The following CSMD1 variants were observed in gnomAD, a reference collection of about 807,000 sequenced individuals.
CSMD1 encodes CUB and Sushi multiple domains 1.
In CSMD1, 213 loss-of-function variants were observed where a neutral mutation model predicts 417.5. The observed-to-expected ratio is 0.51, with a 90% CI of 0.46 to 0.57. The LOEUF is 0.57. Ranked by LOEUF, CSMD1 falls within the 20% of genes least tolerant of loss-of-function variation. The probability of loss-of-function intolerance (pLI) is 0.00; values close to 1 mark genes in which losing one functional copy is unlikely to be tolerated. For synonymous variants in CSMD1, 2,862 were observed against 1,736.8 expected (o/e 1.65, Z -16.11); for missense variants, 6,923 against 4,529.7 (o/e 1.53, Z -15.17).
intron 1 of CSMD1, among the ~76,000 whole-genome samples, chr8:4,856,042 C>T (rs1211018311): frequency 6.6e-6 from 1 of 152,126 alleles, no homozygotes; most frequent in Non-Finnish European, 1.5e-5. Context: ...CAAAAGGAAG[C>T]CCATCAGAGT....
At chr8:3,120,525 T>G (rs1472852682) in intron 41 of CSMD1, among the ~76,000 whole-genome samples, 1 of 152,242 alleles carries the variant, frequency 6.6e-6, no homozygotes, top group South Asian at 2.1e-4. Flanking sequence ...TTTAATAAAC[T>G]AATGAAATGG....
chr8:4,905,938 T>C (rs1235876362), intron 1 of CSMD1, among the ~76,000 whole-genome samples: 1 of 152,114 alleles, frequency 6.6e-6, no homozygotes, highest in African/African-American at 2.4e-5. Flanking sequence ...CCAGTCCCAG[T>C]TTCCCAAACC....
intron 1 of CSMD1, among the ~76,000 whole-genome samples, chr8:4,969,810 T>C (rs4875421): frequency 5.3e-5 from 8 of 151,702 alleles, no homozygotes; most frequent in Non-Finnish European, 1.2e-4. Context: ...CCTAATTTAA[T>C]TGTTTTTCTC....
intron 2 of CSMD1, among the ~76,000 whole-genome samples, chr8:4,607,921 T>A (rs531715053): frequency 1.7e-3 from 256 of 152,306 alleles, no homozygotes; most frequent in African/African-American, 5.8e-3. Flanking sequence ...GGACACTGGC[T>A]AGTGTTGAGG....
At chr8:4,560,801 A>C (rs1029349955) in intron 2 of CSMD1, among the ~76,000 whole-genome samples, 4 of 152,116 alleles carry the variant, frequency 2.6e-5, no homozygotes, top group Non-Finnish European at 5.9e-5. Flanking sequence ...AGACTTCCTA[A>C]TGATTCTGCC....
At chr8:4,208,552 A>C (rs547772595) in intron 3 of CSMD1, among the ~76,000 whole-genome samples, 2 of 152,236 alleles carry the variant, frequency 1.3e-5, no homozygotes, top group Non-Finnish European at 2.9e-5. Flanking sequence ...CTTCAATATC[A>C]GATTGACTTG....
At chr8:3,245,442 C>T (rs936191952) in intron 26 of CSMD1, among the ~76,000 whole-genome samples, 3 of 152,210 alleles carry the variant, frequency 2.0e-5, no homozygotes, top group African/African-American at 4.8e-5. Flanking sequence ...AAACCTACAA[C>T]TGGAAGTACT....
intron 3 of CSMD1, among the ~76,000 whole-genome samples, chr8:4,400,567 G>T (rs1281115368): frequency 1.3e-5 from 2 of 152,184 alleles, no homozygotes; most frequent in Non-Finnish European, 2.9e-5. Flanking sequence ...AGCCACATCA[G>T]CCATTACTTT....
intron 6 of CSMD1, among the ~76,000 whole-genome samples, chr8:3,736,761 G>C (rs139841596): frequency 9.2e-4 from 140 of 152,308 alleles, no homozygotes; most frequent in African/African-American, 3.1e-3. Context: ...CATTAGGTGT[G>C]TCGTTTTGCC....
At chr8:4,488,542 G>C (rs1652544) in intron 2 of CSMD1, among the ~76,000 whole-genome samples, 2,942 of 152,112 alleles carry the variant, frequency 0.019, 86 homozygotes, top group African/African-American at 0.068. Flanking sequence ...TTTTAAACTG[G>C]TGGAGTCGGC....
intron 5 of CSMD1, among the ~76,000 whole-genome samples, chr8:3,893,843 G>A (rs1275909779): frequency 6.6e-6 from 1 of 152,024 alleles, no homozygotes; most frequent in Non-Finnish European, 1.5e-5. Flanking sequence ...CTGACCCTTT[G>A]TTCATTAAAA....
At chr8:4,467,393 C>T (rs1006490453) in intron 2 of CSMD1, among the ~76,000 whole-genome samples, 1 of 152,152 alleles carries the variant, frequency 6.6e-6, no homozygotes, top group Non-Finnish European at 1.5e-5. Context: ...CCCTGCTCAT[C>T]TCCTCCATTT....
chr8:4,592,379 T>A (rs924971944), intron 2 of CSMD1, among the ~76,000 whole-genome samples: 4 of 152,010 alleles, frequency 2.6e-5, no homozygotes, highest in Admixed American at 6.6e-5. Flanking sequence ...CGTATTCATT[T>A]TCCTTGTTAT....
chr8:3,555,314 G>T (rs933507431), intron 10 of CSMD1, among the ~76,000 whole-genome samples: 1 of 152,090 alleles, frequency 6.6e-6, no homozygotes, highest in African/African-American at 2.4e-5. Flanking sequence ...GCTCACAGAG[G>T]TTTTCATTCT....
chr8:4,020,340 T>C (rs1796726141), intron 4 of CSMD1, among the ~76,000 whole-genome samples: 1 of 152,202 alleles, frequency 6.6e-6, no homozygotes, highest in Non-Finnish European at 1.5e-5. Flanking sequence ...AATCCCCTTC[T>C]TTCTGTGCTC....
intron 5 of CSMD1, among the ~76,000 whole-genome samples, chr8:3,777,821 C>G (rs1040656906): frequency 2.7e-5 from 4 of 150,368 alleles, no homozygotes; most frequent in East Asian, 2.0e-4. Flanking sequence ...AGTTCCCACT[C>G]CAGACCCGCA....
chr8:4,588,219 C>T (rs1158975870), intron 2 of CSMD1, among the ~76,000 whole-genome samples: 1 of 151,922 alleles, frequency 6.6e-6, no homozygotes, highest in Non-Finnish European at 1.5e-5. Flanking sequence ...AAATATATTG[C>T]TGGTGTTGAT....
rs552939594 is a variant in CSMD1, at chr8:4,374,094, G to A, written c.415+45859C>T. ...ATAATGAAGTGTATCATATGTGACCGAAGCATGGTTTTCACACCTGCCATT... is the reference window on the plus strand; with the variant it reads ...ATAATGAAGTGTATCATATGTGACCAAAGCATGGTTTTCACACCTGCCATT... On this transcript the variant is annotated intron_variant, in intron 3 of 69. Transcript: ENST00000635120. Among the ~76,000 whole-genome samples, 46 of 152,136 alleles carry A rather than the reference G, an allele frequency of 3.0e-4. No homozygotes were observed. In the South Asian group the frequency reaches 3.7e-3, roughly 12 times the overall value.
intron 1 of CSMD1, among the ~76,000 whole-genome samples, chr8:4,904,692 C>G (rs1805121093): frequency 6.6e-6 from 1 of 151,968 alleles, no homozygotes; most frequent in African/African-American, 2.4e-5. Context: ...CTGGGGAAAA[C>G]TAAAATGGAA....
Sources: allele counts gnomAD v4.1 joint callset (sites outside exome capture counted in the v4.1 genomes callset), GRCh38; gene constraint gnomAD v4.1.1; transcripts MANE v1.5; gene names NCBI Gene and HGNC (gene_info 2026-07-23, HGNC 2026-07-21).